Variants in PTPRD observed in about 807,000 individuals in gnomAD.
The protein encoded by PTPRD is protein tyrosine phosphatase receptor type D, also known as receptor-type tyrosine-protein phosphatase delta.
In PTPRD, 34 loss-of-function variants were observed where a neutral mutation model predicts 214.5. That is an observed-to-expected ratio of 0.16 (90% CI 0.12 to 0.21). The LOEUF is 0.21. Among genes scored for constraint, PTPRD ranks in the 10% least tolerant of loss-of-function variants. The pLI is 1.00. For synonymous variants in PTPRD, 1,128 were observed against 845.7 expected (o/e 1.33, Z -5.79); for missense variants, 2,545 against 2,398.7 (o/e 1.06, Z -1.27).
intron 25 of PTPRD, 46 bp downstream of exon 25, chr9:8,499,601 T>A: frequency 6.4e-7 from 1 of 1,563,918 alleles, no homozygotes; most frequent in Non-Finnish European, 8.6e-7. Flanking sequence ...TGAACTAAGA[T>A]AAACTTATTA....
intron 7 of PTPRD, among the ~76,000 whole-genome samples, chr9:9,648,176 T>C (rs535232546): frequency 2.0e-5 from 3 of 152,252 alleles, no homozygotes; most frequent in Admixed American, 6.5e-5. Context: ...GAAATCATTT[T>C]ATTTTCACTT....
At chr9:8,675,101 G>T (rs1305478103) in intron 12 of PTPRD, among the ~76,000 whole-genome samples, 1 of 152,052 alleles carries the variant, frequency 6.6e-6, no homozygotes, top group Non-Finnish European at 1.5e-5. Flanking sequence ...GCATTAAGTG[G>T]ATGTCGCATA....
At chr9:8,428,728 T>C (rs930280613) in intron 35 of PTPRD, among the ~76,000 whole-genome samples, 16 of 152,292 alleles carry the variant, frequency 1.1e-4, no homozygotes, top group African/African-American at 3.6e-4. Flanking sequence ...TGTATGATTC[T>C]TGAATACATG....
chr9:8,583,759 T>C (rs1470393914), intron 14 of PTPRD, among the ~76,000 whole-genome samples: 1 of 152,226 alleles, frequency 6.6e-6, no homozygotes, highest in Non-Finnish European at 1.5e-5. Context: ...AACTGCAATG[T>C]TTCATGTCCT....
intron 17 of PTPRD, among the ~76,000 whole-genome samples, chr9:8,526,225 T>C (rs185490999): frequency 2.3e-5 from 3 of 127,878 alleles, no homozygotes; most frequent in Non-Finnish European, 3.3e-5. Flanking sequence ...AGAAAAAAAA[T>C]GATCTTTTTT....
chr9:8,710,730 T>A (rs1209183272), intron 12 of PTPRD, among the ~76,000 whole-genome samples: 1 of 152,204 alleles, frequency 6.6e-6, no homozygotes, highest in Non-Finnish European at 1.5e-5. Context: ...AACGATTTTA[T>A]ATCAGAAATA....
At chr9:8,917,299 T>A (rs906951869) in intron 11 of PTPRD, among the ~76,000 whole-genome samples, 2 of 151,338 alleles carry the variant, frequency 1.3e-5, no homozygotes, top group African/African-American at 4.9e-5. Context: ...AGCTAATTTT[T>A]TTTTTTTTTT....
chr9:10,216,410 G>A (rs761452548), intron 3 of PTPRD, among the ~76,000 whole-genome samples: 1 of 151,762 alleles, frequency 6.6e-6, no homozygotes, highest in Non-Finnish European at 1.5e-5. Context: ...TATCCATATA[G>A]CTTATATACA....
intron 30 of PTPRD, among the ~76,000 whole-genome samples, chr9:8,471,366 G>T (rs1365891398): frequency 6.6e-6 from 1 of 151,940 alleles, no homozygotes; most frequent in Non-Finnish European, 1.5e-5. Context: ...AGTTTGTTAG[G>T]GCCCTGGTGC....
chr9:8,906,956 T>C (rs920108389), intron 11 of PTPRD, among the ~76,000 whole-genome samples: 3 of 151,986 alleles, frequency 2.0e-5, no homozygotes, highest in East Asian at 1.9e-4. Context: ...AAGCTGTGCA[T>C]ATGCAAGGGG....
chr9:8,831,361 C>G (rs1227100760), intron 11 of PTPRD, among the ~76,000 whole-genome samples: 1 of 152,130 alleles, frequency 6.6e-6, no homozygotes, highest in East Asian at 1.9e-4. Context: ...TACTCTGTAT[C>G]AAAATACACT....
chr9:9,950,135 GACA>G (rs1366021516), intron 4 of PTPRD, among the ~76,000 whole-genome samples: 3 of 152,116 alleles, frequency 2.0e-5, no homozygotes, highest in Non-Finnish European at 4.4e-5. Flanking sequence ...CTGTCACTGT[GACA>G]ACGACCTTTG....
At chr9:10,040,753 T>C (rs1007783129) in intron 3 of PTPRD, among the ~76,000 whole-genome samples, 1 of 152,078 alleles carries the variant, frequency 6.6e-6, no homozygotes, top group African/African-American at 2.4e-5. Context: ...AGTAAAAATG[T>C]ATTAAATGCA....
intron 11 of PTPRD, among the ~76,000 whole-genome samples, chr9:8,782,595 G>A (rs1020592194): frequency 8.1e-6 from 1 of 122,732 alleles, no homozygotes; most frequent in East Asian, 2.2e-4. Flanking sequence ...AATACTTAAC[G>A]CTTTTTTTTT....
At chr9:8,534,997 C>T (rs758102787) in intron 14 of PTPRD, among the ~76,000 whole-genome samples, 1 of 151,978 alleles carries the variant, frequency 6.6e-6, no homozygotes, top group Non-Finnish European at 1.5e-5. Flanking sequence ...GGGCCAGGCA[C>T]TGGGTATGAA....
intron 5 of PTPRD, among the ~76,000 whole-genome samples, 154 bp from the exon 6 acceptor site, chr9:9,767,005 CTT>C (rs58414208): frequency 2.0e-5 from 3 of 148,018 alleles, no homozygotes; most frequent in African/African-American, 7.4e-5. Flanking sequence ...GATGTCTTAT[CTT>C]TTTTTTTTAA....
At chr9:9,914,666 C>G (rs995552167) in intron 5 of PTPRD, among the ~76,000 whole-genome samples, 4 of 152,158 alleles carry the variant, frequency 2.6e-5, no homozygotes, top group African/African-American at 9.6e-5. Context: ...TGCACCCAGA[C>G]CAGCCAAGAG....
intron 14 of PTPRD, among the ~76,000 whole-genome samples, chr9:8,569,646 T>A (rs1332344805): frequency 6.6e-6 from 1 of 152,234 alleles, no homozygotes; most frequent in Non-Finnish European, 1.5e-5. Context: ...CGATTCCTTT[T>A]CATTTATCTA....
intron 3 of PTPRD, among the ~76,000 whole-genome samples, chr9:10,327,069 G>C (rs185730004): frequency 3.4e-4 from 52 of 150,958 alleles, no homozygotes; most frequent in Middle Eastern, 3.4e-3. Flanking sequence ...AGACAATTAA[G>C]AGGCACTGAA....
Sources: allele counts gnomAD v4.1 joint callset (sites outside exome capture counted in the v4.1 genomes callset), GRCh38; gene constraint gnomAD v4.1.1; transcripts MANE v1.5; gene names NCBI Gene and HGNC (gene_info 2026-07-23, HGNC 2026-07-21).